The following SH3RF3 variants were observed in gnomAD, a reference collection of about 807,000 sequenced individuals.
SH3RF3 encodes the protein E3 ubiquitin-protein ligase SH3RF3.
In SH3RF3, 29 loss-of-function variants were observed where a neutral mutation model predicts 66.3. The ratio of observed to expected loss-of-function variants is 0.44; its 90% CI spans 0.33 to 0.60. SH3RF3 has a LOEUF of 0.60. Among genes scored for constraint, SH3RF3 ranks in the 20% least tolerant of loss-of-function variants. The pLI, the probability that SH3RF3 is intolerant of heterozygous loss-of-function variation, is 0.04. For synonymous variants in SH3RF3, 583 were observed against 532.0 expected, an observed-to-expected ratio of 1.10 and a Z score of -1.32; for missense variants, 1,194 against 1,190.9, an observed-to-expected ratio of 1.00 and a Z score of -0.04.
chr2:109,439,147 T>A (rs1677493554), intron 7 of SH3RF3, among the ~76,000 whole-genome samples: 1 of 152,132 alleles, frequency 6.6e-6, no homozygotes, highest in African/African-American at 2.4e-5. Context: ...CAAAAGAAAT[T>A]GGCAAGGCTG....
At chr2:109,365,262 A>T (rs543664620) in intron 2 of SH3RF3, among the ~76,000 whole-genome samples, 14 of 152,282 alleles carry the variant, frequency 9.2e-5, no homozygotes, top group African/African-American at 3.4e-4. Context: ...GGCACAATTC[A>T]CAAAGGTGTG....
At chr2:109,173,996 G>A (rs774203296) in intron 1 of SH3RF3, among the ~76,000 whole-genome samples, 1 of 152,228 alleles carries the variant, frequency 6.6e-6, no homozygotes, top group Non-Finnish European at 1.5e-5. Flanking sequence ...CATTGGTGGC[G>A]GAAAGCACTG....
chr2:109,287,148 TAAA>T (rs1240651125), intron 1 of SH3RF3, among the ~76,000 whole-genome samples: 3 of 152,302 alleles, frequency 2.0e-5, no homozygotes, highest in African/African-American at 7.2e-5. Context: ...TGTCCAGAGA[TAAA>T]AAAGACCCAG....
intron 1 of SH3RF3, among the ~76,000 whole-genome samples, chr2:109,136,002 C>T (rs1324055892): frequency 3.3e-5 from 5 of 152,186 alleles, no homozygotes; most frequent in African/African-American, 1.2e-4. Context: ...CCGTAGGACA[C>T]AATAGCTTGT....
At chr2:109,448,457 G>A (rs187543043) in intron 7 of SH3RF3, among the ~76,000 whole-genome samples, 2 of 152,160 alleles carry the variant, frequency 1.3e-5, no homozygotes, top group East Asian at 3.9e-4. Flanking sequence ...CCTCCTCAAC[G>A]CTTGCATTAC....
chr2:109,362,790 TGGG>T (rs1683075128), intron 2 of SH3RF3, among the ~76,000 whole-genome samples: 11 of 152,334 alleles, frequency 7.2e-5, no homozygotes, highest in Non-Finnish European at 1.5e-4. Flanking sequence ...TATGTCTTCT[TGGG>T]GAATTGACCC....
chr2:109,256,990 T>G (rs570940436), intron 1 of SH3RF3, among the ~76,000 whole-genome samples: 1 of 152,342 alleles, frequency 6.6e-6, no homozygotes, highest in East Asian at 1.9e-4. Context: ...GCCTCTGCTC[T>G]CAGACAGCCT....
At chr2:109,319,337 A>C (rs1681963130) in intron 1 of SH3RF3, among the ~76,000 whole-genome samples, 1 of 152,230 alleles carries the variant, frequency 6.6e-6, no homozygotes, top group Admixed American at 6.5e-5. Context: ...AGTGCAGGTT[A>C]GTTGACTGCA....
At chr2:109,178,302 T>C (rs964600470) in intron 1 of SH3RF3, among the ~76,000 whole-genome samples, 1 of 152,346 alleles carries the variant, frequency 6.6e-6, no homozygotes, top group Admixed American at 6.5e-5. Flanking sequence ...AGAGCTCTTT[T>C]ATGAATGTTC....
intron 1 of SH3RF3, among the ~76,000 whole-genome samples, chr2:109,250,241 AAGTTACGAG>A (rs1275916963): frequency 2.0e-5 from 3 of 152,132 alleles, no homozygotes; most frequent in Non-Finnish European, 4.4e-5. Flanking sequence ...CAACTGAACC[AAGTTACGAG>A]AATGTTTAGA....
intron 1 of SH3RF3, among the ~76,000 whole-genome samples, chr2:109,167,874 T>G (rs556942022): frequency 6.6e-6 from 1 of 152,320 alleles, no homozygotes; most frequent in Non-Finnish European, 1.5e-5. Flanking sequence ...CCCAGCCTAG[T>G]GTCTGAATTC....
intron 1 of SH3RF3, among the ~76,000 whole-genome samples, chr2:109,266,775 C>T (rs1250333794): frequency 6.6e-6 from 1 of 152,144 alleles, no homozygotes; most frequent in African/African-American, 2.4e-5. Flanking sequence ...CAGGGGTGAG[C>T]GTGTGCCCAC....
At chr2:109,255,130 G>A (rs1215404799) in intron 1 of SH3RF3, among the ~76,000 whole-genome samples, 2 of 152,190 alleles carry the variant, frequency 1.3e-5, no homozygotes, top group Admixed American at 1.3e-4. Flanking sequence ...GTTTGTGTGT[G>A]TGTGTCTGTG....
chr2:109,180,623 A>T (rs1308834324), intron 1 of SH3RF3, among the ~76,000 whole-genome samples: 1 of 152,158 alleles, frequency 6.6e-6, no homozygotes, highest in Non-Finnish European at 1.5e-5. Flanking sequence ...ACGAGATCTG[A>T]TGATTTTATA....
chr2:109,179,239 G>A (rs1349061065), intron 1 of SH3RF3, among the ~76,000 whole-genome samples: 3 of 152,120 alleles, frequency 2.0e-5, no homozygotes, highest in East Asian at 1.9e-4. Context: ...TCTGACATGT[G>A]ATCCTTTTTA....
chr2:109,442,496 A>G (rs987763951), intron 7 of SH3RF3, among the ~76,000 whole-genome samples: 4 of 152,190 alleles, frequency 2.6e-5, no homozygotes, highest in Admixed American at 6.5e-5. Context: ...TTTAAAATAT[A>G]ATTGACTGTT....
chr2:109,185,420 C>T (rs1236127027), intron 1 of SH3RF3, among the ~76,000 whole-genome samples: 1 of 152,208 alleles, frequency 6.6e-6, no homozygotes, highest in African/African-American at 2.4e-5. Flanking sequence ...AAAATTCTTA[C>T]TTTAAATCCT....
chr2:109,432,687 T>C lies in SH3RF3; in HGVS notation c.1574+16T>C. The C allele has an allele frequency of 1.9e-6, 3 of 1,605,014 alleles. No individual in the cohort carries two copies. The highest frequency in any genetic ancestry group is 2.6e-6 in the Non-Finnish European group (3 of 1,175,760). On this transcript the variant is annotated intron_variant, in intron 6 of 9. Transcript: ENST00000309415. ...CCGTTTCCAGGTGAGGGCATGGTGG[T>C]GGCAGCCTGGGCAAGGAGAGGGCAA...
At chr2:109,266,560 A>G (rs920389733) in intron 1 of SH3RF3, among the ~76,000 whole-genome samples, 12 of 152,070 alleles carry the variant, frequency 7.9e-5, no homozygotes, top group African/African-American at 1.9e-4. Flanking sequence ...CACTGGTGAC[A>G]CCAGGGACGT....
Sources: gnomAD v4.1 joint callset for allele counts (sites outside exome capture counted in the v4.1 genomes callset) on GRCh38, gnomAD v4.1.1 for gene constraint, MANE v1.5 for transcripts, NCBI Gene and HGNC (gene_info 2026-07-23, HGNC 2026-07-21) for gene names.